The following VAT1L variants were observed in gnomAD, a reference collection of about 807,000 sequenced individuals.
VAT1L encodes putative NADPH-dependent quinone oxidoreductase VAT1L.
A neutral mutation model predicts 44.1 loss-of-function variants in VAT1L; 34 were observed. The ratio of observed to expected loss-of-function variants is 0.77; its 90% CI spans 0.59 to 1.03. The LOEUF is 1.03. VAT1L is among the 50% of genes least tolerant of loss of function. The pLI is 0.00. For synonymous variants in VAT1L, 253 were observed against 202.2 expected (o/e 1.25, Z -2.13); for missense variants, 615 against 538.8 (o/e 1.14, Z -1.40).
chr16:77,821,396 G>T (rs1042832052), intron 2 of VAT1L, among the ~76,000 whole-genome samples: 2 of 151,728 alleles, frequency 1.3e-5, no homozygotes, highest in African/African-American at 2.4e-5. Context: ...TGTCTCACAG[G>T]TTCAAGCGAT....
chr16:77,964,330 G>T (rs73568653), intron 7 of VAT1L, among the ~76,000 whole-genome samples: 1,790 of 152,280 alleles, frequency 0.012, 34 homozygotes, highest in African/African-American at 0.041. Context: ...CAAGGTGTCA[G>T]CAGGGCTGCG....
chr16:77,950,016 A>C (rs1401393643), intron 7 of VAT1L, among the ~76,000 whole-genome samples: 1 of 152,136 alleles, frequency 6.6e-6, no homozygotes, highest in Non-Finnish European at 1.5e-5. Context: ...GCCTCGTTTC[A>C]CTGCTGTGGT....
In VAT1L at chr16:77,817,067, A is replaced by G. The variant is rs2016368774; in HGVS notation, c.363+17A>G. 1 of 1,607,810 alleles carries G rather than the reference A, an allele frequency of 6.2e-7. No homozygotes were observed. The highest frequency in any genetic ancestry group is 8.5e-7 in the Non-Finnish European group (1 of 1,178,084). On this transcript the variant is annotated intron_variant, in intron 2 of 8. Transcript: ENST00000302536. ...GGATATGAGGTAATGTTTGGCTCTC[A>G]ATTGAAGAGTAATATTCATTTGGAA...
intron 7 of VAT1L, among the ~76,000 whole-genome samples, chr16:77,945,797 C>CTTT (rs58436423): frequency 2.5e-4 from 35 of 141,164 alleles, no homozygotes; most frequent in African/African-American, 3.1e-4. Flanking sequence ...AGTGGCTTGA[C>CTTT]TTTTTTTTTT....
At position 77,938,121 on chromosome 16, in the gene VAT1L, C is replaced by T. The variant is rs553066214; in HGVS notation, c.1078-33729C>T. On this transcript the variant is annotated intron_variant, in intron 7 of 8. Transcript: ENST00000302536. Reference sequence around the variant, plus strand: ...CCACTTGGGACCAGTTCCTGAGCTCCACTTTGGACCTAATGAATCAGAAGT... The same window carrying T: ...CCACTTGGGACCAGTTCCTGAGCTCTACTTTGGACCTAATGAATCAGAAGT... Among the ~76,000 whole-genome samples the T allele has an allele frequency of 3.0e-4, 46 of 152,270 alleles. No homozygotes were observed. In the Middle Eastern group the frequency reaches 0.01, roughly 34 times the overall value.
At chr16:77,818,787 C>T (rs554984928) in intron 2 of VAT1L, among the ~76,000 whole-genome samples, 13 of 152,306 alleles carry the variant, frequency 8.5e-5, no homozygotes, top group East Asian at 1.9e-4. Flanking sequence ...GTCACTTACT[C>T]GTTTCCAGTT....
chr16:77,932,238 G>T (rs1397543841), intron 7 of VAT1L, among the ~76,000 whole-genome samples: 1 of 151,518 alleles, frequency 6.6e-6, no homozygotes, highest in Non-Finnish European at 1.5e-5. Context: ...CAAGTAGCTG[G>T]GACTACAGGC....
chr16:77,961,087 T>C (rs2018155046), intron 7 of VAT1L, among the ~76,000 whole-genome samples: 1 of 152,140 alleles, frequency 6.6e-6, no homozygotes. Context: ...TGAGAGCATC[T>C]ATCAGGACGC....
At chr16:77,878,233 G>A (rs1056972080) in intron 5 of VAT1L, among the ~76,000 whole-genome samples, 5 of 152,004 alleles carry the variant, frequency 3.3e-5, no homozygotes, top group Non-Finnish European at 5.9e-5. Flanking sequence ...TGCAGTCTTC[G>A]GCATTAAAAG....
At chr16:77,898,203 G>T (rs1254231917) in intron 7 of VAT1L, among the ~76,000 whole-genome samples, 1 of 152,224 alleles carries the variant, frequency 6.6e-6, no homozygotes, top group East Asian at 1.9e-4. Context: ...TATTGGATTA[G>T]GGCCCACCCT....
rs570766480 is a variant in VAT1L at position 77,979,190 on chromosome 16, C to G, written c.*1495C>G. The G allele has an allele frequency of 1.3e-5, 2 of 152,722 alleles. No homozygotes were observed. Among genetic ancestry groups the G allele is most frequent in the East Asian group, 3.9e-4 (2 of 5,182 alleles). 9.5% of individuals were successfully genotyped at this position (152,722 alleles called of 1,614,324 possible). On this transcript the variant is annotated 3_prime_UTR_variant, in exon 9 of 9. Coordinates refer to ENST00000302536, the MANE Select transcript of VAT1L (RefSeq NM_020927.3). ...CCTCATTCGTGGTCTTTTTACCTAT[C>G]CTAAGCTTATGATGATGAGTTATGT...
chr16:77,905,080 T>G (rs543954918), intron 7 of VAT1L, among the ~76,000 whole-genome samples: 1 of 152,286 alleles, frequency 6.6e-6, no homozygotes, highest in Admixed American at 6.5e-5. Context: ...TAAGAGGAAT[T>G]CAAATCTGAC....
At chr16:77,903,734 C>CTTTT (rs552342074) in intron 7 of VAT1L, among the ~76,000 whole-genome samples, 2 of 124,364 alleles carry the variant, frequency 1.6e-5, no homozygotes, top group Non-Finnish European at 1.7e-5. Flanking sequence ...TCTCTCATTA[C>CTTTT]TTTTTTTTTT....
chr16:77,942,183 T>G (rs2017893662), intron 7 of VAT1L, among the ~76,000 whole-genome samples: 1 of 152,168 alleles, frequency 6.6e-6, no homozygotes, highest in African/African-American at 2.4e-5. Context: ...GGTCTCACAA[T>G]CATGGTGGAA....
At chr16:77,897,944 G>T (rs1077447) in intron 7 of VAT1L, among the ~76,000 whole-genome samples, 2 of 152,030 alleles carry the variant, frequency 1.3e-5, no homozygotes, top group African/African-American at 4.8e-5. Context: ...CAAGCCAAGG[G>T]GCTTACACAA....
At chr16:77,954,343 C>G (rs2018078188) in intron 7 of VAT1L, among the ~76,000 whole-genome samples, 1 of 152,124 alleles carries the variant, frequency 6.6e-6, no homozygotes, top group Non-Finnish European at 1.5e-5. Context: ...AGTGGAATGT[C>G]AGGCCGGGCG....
chr16:77,892,756 T>A, intron 7 of VAT1L: 1 of 762,342 alleles, frequency 1.3e-6, no homozygotes, highest in Non-Finnish European at 2.4e-6. Flanking sequence ...GTTTCTAGTT[T>A]TTCATCTGTA....
At chr16:77,801,714 T>C (rs1316210482) in intron 1 of VAT1L, 1 of 142,904 alleles carries the variant, frequency 7.0e-6, no homozygotes, top group Non-Finnish European at 1.5e-5. Flanking sequence ...CACTTTCATT[T>C]AAAAAAAAAA....
chr16:77,904,070 G>C (rs1386120912), intron 7 of VAT1L, among the ~76,000 whole-genome samples: 1 of 151,698 alleles, frequency 6.6e-6, no homozygotes. Context: ...AAACCACAAT[G>C]ACTTTGGCAC....
Sources: gnomAD v4.1 joint callset for allele counts (sites outside exome capture counted in the v4.1 genomes callset) on GRCh38, gnomAD v4.1.1 for gene constraint, MANE v1.5 for transcripts, NCBI Gene and HGNC (gene_info 2026-07-23, HGNC 2026-07-21) for gene names.